Variants in SIN3B observed in about 807,000 individuals in gnomAD.
SIN3B encodes paired amphipathic helix protein Sin3b.
Under a neutral mutation model 120.2 loss-of-function variants are expected in SIN3B, and 19 were observed. That is an observed-to-expected ratio of 0.16 (90% CI 0.11 to 0.23). The LOEUF (loss-of-function observed/expected upper bound fraction) is 0.23, where lower values mean the gene tolerates loss of function less well. SIN3B is among the 10% of genes least tolerant of loss of function. The pLI, the probability that SIN3B is intolerant of heterozygous loss-of-function variation, is 1.00. For missense variants in SIN3B, 1,073 were observed against 1,573.0 expected (o/e 0.68, Z 5.38); for synonymous variants, 654 against 653.2 (o/e 1.00, Z -0.02).
intron 5 of SIN3B, 76 bp downstream of exon 5, chr19:16,847,189 C>T: frequency 6.6e-7 from 1 of 1,508,778 alleles, no homozygotes; most frequent in Non-Finnish European, 9.0e-7. Flanking sequence ...TGACCCATGT[C>T]CGGGCCAAGC....
rs77368007 is a variant in SIN3B, at chr19:16,878,888, C to T, written c.*161C>T. ...GGCAGGACGCCGCCCCCGTGGCTCC[C>T]GGTCTCCTGTGGGCCTGCTGTGTGC... On this transcript the variant is annotated 3_prime_UTR_variant, in exon 19 of 19. Transcript: ENST00000248054. 75,115 of 684,156 alleles carry T rather than the reference C, an allele frequency of 0.11. 4,636 individuals are homozygous for T. The highest frequency in any genetic ancestry group is 0.18 in the East Asian group (6,550 of 36,298). 42.4% of individuals were successfully genotyped at this position (684,156 alleles called of 1,614,324 possible).
intron 3 of SIN3B, among the ~76,000 whole-genome samples, chr19:16,838,614 G>A (rs536453815): frequency 6.6e-6 from 1 of 152,276 alleles, no homozygotes; most frequent in African/African-American, 2.4e-5. Context: ...CCTTTTGGCT[G>A]TTGTGCATAG....
In SIN3B at chr19:16,830,951, G is replaced by T. The variant is rs370789261; in HGVS notation, c.228-543G>T. On this transcript the variant is annotated intron_variant, in intron 2 of 18. Coordinates refer to ENST00000248054, the MANE Select transcript of SIN3B (RefSeq NM_001297595.2). ...GAGTACCCATTCTTGGAGTGTTTTA[G>T]GGGAGCTGAGCGATGTCAGTATTCT... is the stretch of plus-strand genomic sequence containing the variant. 6.1e-4 allele frequency among the ~76,000 whole-genome samples: 93 copies of T among 152,306 alleles called. No individual in the cohort carries two copies. In the East Asian group the frequency reaches 7.9e-3, roughly 13 times the overall value.
intron 10 of SIN3B, among the ~76,000 whole-genome samples, chr19:16,864,065 A>T (rs1336701540): frequency 6.6e-6 from 1 of 152,160 alleles, no homozygotes; most frequent in Non-Finnish European, 1.5e-5. Context: ...AGGCCAAGAC[A>T]GGTGGATCAT....
intron 12 of SIN3B, among the ~76,000 whole-genome samples, chr19:16,867,135 G>A (rs754433221): frequency 6.6e-6 from 1 of 152,226 alleles, no homozygotes; most frequent in Non-Finnish European, 1.5e-5. Context: ...GGTGGCAGCA[G>A]CCTTCATTTC....
rs1599618545 is a variant in SIN3B at position 16,876,062 on chromosome 19, A to G, written c.2600A>G (p.His867Arg). 4 of 1,556,688 alleles carry G rather than the reference A, an allele frequency of 2.6e-6. No individual in the cohort carries two copies. Among genetic ancestry groups the G allele is most frequent in the Non-Finnish European group, 3.5e-6 (4 of 1,149,516 alleles). Residue 867 changes from histidine to arginine, a missense_variant, in exon 15 of 19, where the codon CAC (histidine) becomes CGC (arginine). Transcript: ENST00000248054. The surrounding 1 kb of genome is among the most constrained non-coding windows in gnomAD (Gnocchi z 7.1). Reference protein sequence around the residue: ...LVQNIARQLHHLVSDDVCLKV... With the variant: ...LVQNIARQLHRLVSDDVCLKV... ...CTGCTTTCCTCCCGCCAGCTGCACCACCTCGTGAGCGATGACGTCTGCCTG... is the reference window on the plus strand; with the variant it reads ...CTGCTTTCCTCCCGCCAGCTGCACCGCCTCGTGAGCGATGACGTCTGCCTG...
At chr19:16,861,452 C>T (rs1432528103) in intron 8 of SIN3B, among the ~76,000 whole-genome samples, 1 of 152,050 alleles carries the variant, frequency 6.6e-6, no homozygotes, top group African/African-American at 2.4e-5. Flanking sequence ...CATAGCAAGA[C>T]CCCATCTCTA....
Position 16,832,312 on chromosome 19 carries a change from C to T in SIN3B, c.381+665C>T, listed in dbSNP as rs1450068835. ...TCCCAGGTTCAAGCAATTCTCCTGC[C>T]TCAGCCTCCCGAGTAGCTGGGATTA... On this transcript the variant is annotated intron_variant, in intron 3 of 18. Coordinates refer to ENST00000248054, the MANE Select transcript of SIN3B (RefSeq NM_001297595.2). 2.6e-5 allele frequency among the ~76,000 whole-genome samples: 4 copies of T among 151,476 alleles called. No homozygotes were observed. In the East Asian group the frequency reaches 7.8e-4, roughly 29 times the overall value.
chr19:16,869,481 G>A lies in SIN3B; in HGVS notation c.1828G>A (p.Gly610Ser), dbSNP rs1328809884. 6.2e-7 allele frequency: 1 copy of A among 1,610,316 alleles called. No homozygotes were observed. The highest frequency in any genetic ancestry group is 8.5e-7 in the Non-Finnish European group (1 of 1,177,508). ...YDEHQEQHSE[G>S]RSAPSSEPHL... ...ACAGCACCAGGAGCAGCACTCGGAG[G>A]GCCGCAGTGCCCCCTCTAGCGAGCC... The change falls in exon 13 of 19, where the codon GGC (glycine) becomes AGC (serine). Residue 610 changes from glycine (G) to serine (S), a missense_variant. By Grantham distance (56) the Gly-to-Ser change is moderately conservative. Transcript: ENST00000248054.
chr19:16,832,524 A>G (rs1194323136), intron 3 of SIN3B, among the ~76,000 whole-genome samples: 2 of 126,208 alleles, frequency 1.6e-5, no homozygotes, highest in Non-Finnish European at 3.3e-5. Context: ...TTTTTAAGAC[A>G]GGTTCTCACT....
At chr19:16,837,084 GAGGTTGCTGTGGGC>G (rs1404179789) in intron 3 of SIN3B, among the ~76,000 whole-genome samples, 1 of 152,128 alleles carries the variant, frequency 6.6e-6, no homozygotes, top group Non-Finnish European at 1.5e-5. Context: ...AGGGTGGGAG[GAGGTTGCTGTGGGC>G]AGGACCTGTT....
intron 2 of SIN3B, 150 bp from the exon 3 acceptor site, chr19:16,831,344 T>G: frequency 2.7e-6 from 2 of 747,312 alleles, no homozygotes; most frequent in African/African-American, 1.8e-5. Flanking sequence ...ATTACAGGCA[T>G]GAGCCACTGC....
In SIN3B at chr19:16,879,366, G is replaced by A. The variant is rs2051662264; in HGVS notation, c.*639G>A. The A allele has an allele frequency of 6.6e-6, 1 of 152,412 alleles. No individual in the cohort carries two copies. The highest frequency in any genetic ancestry group is 1.5e-5 in the Non-Finnish European group (1 of 68,254). 9.4% of individuals were successfully genotyped at this position (152,412 alleles called of 1,614,324 possible). A position where few individuals can be genotyped will look rare whatever the true frequency, so the allele number is the denominator to read the frequency against. Reference sequence around the variant, plus strand: ...CTGGAGCAGGCGGGCAGTGCCCTGGGAGACCCCGCTCTGGATAAGACACCC... The same window carrying A: ...CTGGAGCAGGCGGGCAGTGCCCTGGAAGACCCCGCTCTGGATAAGACACCC... On this transcript the variant is annotated 3_prime_UTR_variant, in exon 19 of 19. Transcript: ENST00000248054.
chr19:16,871,743 C>T, intron 14 of SIN3B: 1 of 248,110 alleles, frequency 4.0e-6, no homozygotes, highest in East Asian at 1.1e-4. Flanking sequence ...TTCCCTCGTG[C>T]TTCATTCCTT....
chr19:16,869,439 T>C, intron 12 of SIN3B, 21 bp from the exon 13 acceptor site: 1 of 1,588,022 alleles, frequency 6.3e-7, no homozygotes, highest in Non-Finnish European at 8.6e-7. Flanking sequence ...TTCCACCTAA[T>C]GGCCGCCCTT....
chr19:16,876,151 C>A lies in SIN3B; in HGVS notation c.2689C>A (p.Arg897Ser), dbSNP rs200429230. The A allele has an allele frequency of 1.2e-6, 2 of 1,612,078 alleles. No individual in the cohort carries two copies. The highest frequency in any genetic ancestry group is 3.3e-5 in the Admixed American group (2 of 59,844). ...RGAAGGNLSS[R>S]CVRAARETSY... ...TGCCGCTGGTGGGAACCTGTCCTCC[C>A]GCTGCGTCCGCGCTGCTAGGGAGAC... The change falls in exon 15 of 19, where the codon CGC becomes AGC. Residue 897 changes from arginine to serine, a missense_variant. This residue lies in a region of SIN3B where 311 missense variants were observed against 400.3 expected (regional missense o/e 0.78). Coordinates refer to ENST00000248054, the MANE Select transcript of SIN3B (RefSeq NM_001297595.2). This position sits in a 1 kb window ranked among gnomAD's most constrained non-coding sequence, Gnocchi z 7.1.
At chr19:16,874,229 C>T (rs560500357) in intron 14 of SIN3B, among the ~76,000 whole-genome samples, 33 of 152,242 alleles carry the variant, frequency 2.2e-4, no homozygotes, top group Non-Finnish European at 4.4e-4. Flanking sequence ...CATATTTTTC[C>T]GTGTCTTTTC....
chr19:16,877,386 G>A, intron 16 of SIN3B, 159 bp from the exon 17 acceptor site: 1 of 612,932 alleles, frequency 1.6e-6, no homozygotes, highest in South Asian at 1.9e-5. Flanking sequence ...GTCTGTTGGG[G>A]TCTCCGTCAG....
intron 14 of SIN3B, among the ~76,000 whole-genome samples, chr19:16,873,764 T>C (rs1345583199): frequency 1.3e-5 from 2 of 152,246 alleles, no homozygotes; most frequent in African/African-American, 4.8e-5. Context: ...CAGCTGTGGC[T>C]GCACCACACC....
Sources: gnomAD v4.1 joint callset for allele counts (sites outside exome capture counted in the v4.1 genomes callset) on GRCh38, gnomAD v4.1.1 for gene constraint, gnomAD v4.1.1 regional missense constraint, Gnocchi (gnomAD v3.1) non-coding constraint, MANE v1.5 for transcripts, NCBI Gene and HGNC (gene_info 2026-07-23, HGNC 2026-07-21) for gene names.